Variants in SHC4 observed in about 807,000 individuals in gnomAD.
SHC4 encodes SHC-transforming protein 4.
Under a neutral mutation model 69.4 loss-of-function variants are expected in SHC4, and 41 were observed. That is an observed-to-expected ratio of 0.59 (90% CI 0.46 to 0.77). The LOEUF (loss-of-function observed/expected upper bound fraction) is 0.77. Among genes scored for constraint, SHC4 ranks in the 30% least tolerant of loss-of-function variants. The probability of loss-of-function intolerance (pLI) is 0.00; values close to 1 mark genes in which losing one functional copy is unlikely to be tolerated. For missense variants in SHC4, 777 were observed against 783.8 expected (o/e 0.99, Z 0.10); for synonymous variants, 318 against 299.3 (o/e 1.06, Z -0.64).
At chr15:48,850,919 G>A (rs1899200004) in intron 9 of SHC4, among the ~76,000 whole-genome samples, 1 of 152,204 alleles carries the variant, frequency 6.6e-6, no homozygotes, top group Non-Finnish European at 1.5e-5. Flanking sequence ...CAGAGAGAGA[G>A]CTTTCATGAT....
rs1051081268 is a variant in SHC4 at position 48,834,919 on chromosome 15, G to C, written c.1587C>G (p.Gly529=). The C allele has an allele frequency of 6.2e-7, 1 of 1,613,884 alleles. No homozygotes were observed. Residue 529 remains glycine, a synonymous_variant, in exon 11 of 12, where the codon GGC becomes GGG. Coordinates refer to ENST00000332408, the MANE Select transcript of SHC4 (RefSeq NM_203349.4). ...TCTCTGCCGCCTTCCTGCTCAGCTT[G>C]CCATGATAGCATTCTTCGCTCCACA... is the stretch of plus-strand genomic sequence containing the variant. ...QQLWSEECYH[G]KLSRKAAESL...
At chr15:48,840,600 G>A (rs1189820246) in intron 10 of SHC4, among the ~76,000 whole-genome samples, 1 of 152,126 alleles carries the variant, frequency 6.6e-6, no homozygotes, top group African/African-American at 2.4e-5. Context: ...AAGGTTAAAG[G>A]TGCAGTTAAG....
chr15:48,903,212 C>T (rs964654976), intron 2 of SHC4, among the ~76,000 whole-genome samples: 13 of 152,158 alleles, frequency 8.5e-5, no homozygotes, highest in Non-Finnish European at 1.8e-4. Context: ...CTCAGCTTCC[C>T]TACTGAGAAC....
At chr15:48,875,259 A>C (rs1221149000) in intron 4 of SHC4, among the ~76,000 whole-genome samples, 2 of 152,244 alleles carry the variant, frequency 1.3e-5, no homozygotes, top group Non-Finnish European at 2.9e-5. Context: ...CCCTGCATTA[A>C]TACTAAGCCT....
intron 2 of SHC4, among the ~76,000 whole-genome samples, chr15:48,891,819 G>A (rs959172668): frequency 6.6e-6 from 1 of 152,078 alleles, no homozygotes; most frequent in African/African-American, 2.4e-5. Flanking sequence ...AGAGGTCAGA[G>A]AGAGGAATGC....
intron 2 of SHC4, among the ~76,000 whole-genome samples, chr15:48,912,956 C>T (rs1023084503): frequency 5.3e-5 from 8 of 149,706 alleles, no homozygotes; most frequent in Non-Finnish European, 1.2e-4. Context: ...ATGGGTCTCT[C>T]AGCTGTGGAT....
chr15:48,907,814 ATG>A (rs60841488), intron 2 of SHC4, among the ~76,000 whole-genome samples: 5,888 of 144,798 alleles, frequency 0.041, 598 homozygotes, highest in East Asian at 0.37. Context: ...ATGAATGAAT[ATG>A]TGTGTGTGTG....
chr15:48,873,463 G>A (rs559470711), intron 4 of SHC4, among the ~76,000 whole-genome samples: 7 of 152,114 alleles, frequency 4.6e-5, no homozygotes, highest in African/African-American at 1.2e-4. Flanking sequence ...AACAATAGTC[G>A]GCCGGGCGCA....
In SHC4 at chr15:48,829,934, T is replaced by C. The variant is rs115138459; in HGVS notation, c.1738-3808A>G. On this transcript the variant is annotated intron_variant, in intron 11 of 11. Coordinates refer to ENST00000332408, the MANE Select transcript of SHC4 (RefSeq NM_203349.4). ...ACTCCGTCTCAAAAAAATAAATAAA[T>C]AAAATAAAGTGAGTTTCTTATAGAT... Among the ~76,000 whole-genome samples, 1,499 of 152,196 alleles carry C rather than the reference T, an allele frequency of 9.8e-3. 31 individuals carry two copies. Among genetic ancestry groups the C allele is most frequent in the African/African-American group, 0.035 (1,437 of 41,522 alleles).
intron 8 of SHC4, among the ~76,000 whole-genome samples, chr15:48,852,041 C>T (rs943146464): frequency 1.1e-4 from 17 of 152,146 alleles, no homozygotes; most frequent in African/African-American, 3.9e-4. Flanking sequence ...ACTGTCAGTG[C>T]CATCAATAAA....
At chr15:48,828,013 T>C (rs769205187) in intron 11 of SHC4, among the ~76,000 whole-genome samples, 4 of 152,020 alleles carry the variant, frequency 2.6e-5, no homozygotes, top group Non-Finnish European at 2.9e-5. Context: ...CTGCAGACAC[T>C]TGTGTTTGTA....
intron 10 of SHC4, among the ~76,000 whole-genome samples, chr15:48,838,772 A>C (rs1303028143): frequency 6.6e-6 from 1 of 152,204 alleles, no homozygotes; most frequent in Non-Finnish European, 1.5e-5. Context: ...TATAATAGAA[A>C]GTAGCATCAG....
chr15:48,854,186 A>T (rs1219707603), intron 8 of SHC4, among the ~76,000 whole-genome samples: 1 of 152,254 alleles, frequency 6.6e-6, no homozygotes, highest in South Asian at 2.1e-4. Context: ...TCAAAAGAAC[A>T]CATACAAGCA....
At position 48,962,478 on chromosome 15, in the gene SHC4, G is replaced by T. The variant is rs942172000; in HGVS notation, c.538C>A (p.His180Asn). ...ATCCCCAACAGGTGCTGTAGAAAGTGCCTGTCCTGCCTGCTCCTAAGTGTT... is the reference window on the plus strand; with the variant it reads ...ATCCCCAACAGGTGCTGTAGAAAGTTCCTGTCCTGCCTGCTCCTAAGTGTT... ...EPTLRSRQDRHFLQHLLGMGM... is the reference protein window; with the variant it reads ...EPTLRSRQDRNFLQHLLGMGM... The change falls in exon 1 of 12, where the codon CAC becomes AAC. Residue 180 changes from histidine to asparagine, a missense_variant. Coordinates refer to ENST00000332408, the MANE Select transcript of SHC4 (RefSeq NM_203349.4). 5.8e-6 allele frequency: 9 copies of T among 1,538,594 alleles called. 1 individual carries two copies. The Admixed American group carries it at 6.2e-5, about 11-fold the overall frequency.
intron 4 of SHC4, chr15:48,878,423 G>T: frequency 1.9e-6 from 3 of 1,612,278 alleles, no homozygotes; most frequent in Non-Finnish European, 2.5e-6. Flanking sequence ...CAACGCTGGG[G>T]AGCAGCCAGG....
At chr15:48,868,188 T>C (rs1468850105) in intron 5 of SHC4, among the ~76,000 whole-genome samples, 2 of 152,214 alleles carry the variant, frequency 1.3e-5, no homozygotes, top group Non-Finnish European at 2.9e-5. Context: ...GAGACTATGA[T>C]GCTGTCCTAG....
chr15:48,836,023 C>CAAAAAA (rs57343981), intron 10 of SHC4, among the ~76,000 whole-genome samples: 3 of 60,108 alleles, frequency 5.0e-5, no homozygotes, highest in East Asian at 5.3e-4. Context: ...ACAAAAAATC[C>CAAAAAA]AAAAAAAAAA....
Position 48,895,922 on chromosome 15 carries a change from A to AT in SHC4, c.657-5112_657-5111insA, listed in dbSNP as rs561433682. On this transcript the variant is annotated intron_variant, in intron 2 of 11. Coordinates refer to ENST00000332408, the MANE Select transcript of SHC4 (RefSeq NM_203349.4). ...CATGGTGAGTCCTTGTGTCCACAAAAATATATATATTTTTAAATTGCCAGG... is the reference window on the plus strand; with the variant it reads ...CATGGTGAGTCCTTGTGTCCACAAAATATATATATATTTTTAAATTGCCAGG... Among the ~76,000 whole-genome samples, 62 of 151,994 alleles carry AT rather than the reference A, an allele frequency of 4.1e-4. No individual in the cohort carries two copies. In the East Asian group the frequency reaches 0.012, roughly 30 times the overall value.
chr15:48,871,487 G>T (rs1269029702), intron 5 of SHC4, among the ~76,000 whole-genome samples: 2 of 152,192 alleles, frequency 1.3e-5, no homozygotes, highest in African/African-American at 4.8e-5. Context: ...GCAGTAGGGA[G>T]TCAAGGAATG....
Sources: gnomAD v4.1 joint callset for allele counts (sites outside exome capture counted in the v4.1 genomes callset) on GRCh38, gnomAD v4.1.1 for gene constraint, MANE v1.5 for transcripts, NCBI Gene and HGNC (gene_info 2026-07-23, HGNC 2026-07-21) for gene names.